The following TMEM74 variants were observed in gnomAD, a reference collection of about 807,000 sequenced individuals.
TMEM74 encodes transmembrane protein 74.
A neutral mutation model predicts 18.1 loss-of-function variants in TMEM74; 13 were observed. The ratio of observed to expected loss-of-function variants is 0.72; its 90% CI spans 0.47 to 1.14. The LOEUF (loss-of-function observed/expected upper bound fraction) is 1.14. Ranked by LOEUF, TMEM74 falls within the 50% of genes most tolerant of loss-of-function variation. The probability of loss-of-function intolerance (pLI) is 0.00; values close to 1 mark genes in which losing one functional copy is unlikely to be tolerated. For missense variants in TMEM74, 372 were observed against 375.9 expected, an observed-to-expected ratio of 0.99 and a Z score of 0.09; for synonymous variants, 159 against 146.6, an observed-to-expected ratio of 1.08 and a Z score of -0.61.
chr8:108,609,332 C>A (rs2928832), intron 2 of TMEM74, among the ~76,000 whole-genome samples: 2 of 151,908 alleles, frequency 1.3e-5, no homozygotes, highest in Non-Finnish European at 2.9e-5. Flanking sequence ...TTAAGTTTAA[C>A]GTGTTTAAGT....
chr8:108,737,520 A>G (rs1315091921), intron 1 of TMEM74, among the ~76,000 whole-genome samples: 1 of 151,814 alleles, frequency 6.6e-6, no homozygotes, highest in Non-Finnish European at 1.5e-5. Flanking sequence ...TCTAAATATT[A>G]AAATATTAAA....
intron 1 of TMEM74, among the ~76,000 whole-genome samples, chr8:108,670,860 AC>A (rs1348802141): frequency 6.6e-6 from 1 of 152,166 alleles, no homozygotes; most frequent in Non-Finnish European, 1.5e-5. Flanking sequence ...TGATTTATAA[AC>A]CTTTATGTTC....
At position 108,782,601 on chromosome 8, in the gene TMEM74, T is replaced by A. The variant is rs1814321911; in HGVS notation, c.*1580A>T. On this transcript the variant is annotated 3_prime_UTR_variant, in exon 2 of 2. Transcript: ENST00000297459. ...CATAAATATCCTGATTCACACATTT[T>A]GCCAAAGTCACCCATGTATTCCACA... is the stretch of plus-strand genomic sequence containing the variant. Among the ~76,000 whole-genome samples, 1 of 152,212 alleles carries A rather than the reference T, an allele frequency of 6.6e-6. No individual in the cohort carries two copies. The highest frequency in any genetic ancestry group is 1.5e-5 in the Non-Finnish European group (1 of 68,028).
intron 1 of TMEM74, among the ~76,000 whole-genome samples, chr8:108,670,439 A>G (rs1369880766): frequency 1.3e-5 from 2 of 152,210 alleles, no homozygotes; most frequent in Non-Finnish European, 2.9e-5. Flanking sequence ...GCTTTAGATC[A>G]TCGATGGAAT....
At position 108,784,010 on chromosome 8, in the gene TMEM74, G is replaced by A; in HGVS notation, c.*171C>T. Reference sequence around the variant, plus strand: ...TGTGGTTTCTTATACATCTTACATGGCTTTTCTTCTAAATAGAAGACACAT... The same window carrying A: ...TGTGGTTTCTTATACATCTTACATGACTTTTCTTCTAAATAGAAGACACAT... On this transcript the variant is annotated 3_prime_UTR_variant, in exon 2 of 2. Coordinates refer to ENST00000297459, the MANE Select transcript of TMEM74 (RefSeq NM_153015.3). The A allele has an allele frequency of 1.8e-6, 1 of 546,902 alleles. No homozygotes were observed. The highest frequency in any genetic ancestry group is 3.1e-6 in the Non-Finnish European group (1 of 320,348). 33.9% of individuals were successfully genotyped at this position (546,902 alleles called of 1,614,324 possible).
exon 4 of TMEM74, chr8:108,607,480 T>G (rs1165099885): frequency 1.3e-5 from 2 of 152,250 alleles, no homozygotes; most frequent in African/African-American, 2.4e-5. Flanking sequence ...CGCAATTAGA[T>G]TCTGGTCTCT....
intron 1 of TMEM74, among the ~76,000 whole-genome samples, chr8:108,737,536 T>C (rs1813760795): frequency 2.0e-5 from 3 of 151,828 alleles, no homozygotes; most frequent in Middle Eastern, 3.4e-3. Flanking sequence ...TTAAAATTCA[T>C]TTTCTATCAA....
At chr8:108,720,260 T>C (rs61074130) in intron 1 of TMEM74, among the ~76,000 whole-genome samples, 7,804 of 152,266 alleles carry the variant, frequency 0.051, 709 homozygotes, top group African/African-American at 0.18. Context: ...TCAATTTTGA[T>C]TTTTAAAAAT....
chr8:108,662,145 C>T (rs902093126), intron 1 of TMEM74, among the ~76,000 whole-genome samples: 1 of 151,874 alleles, frequency 6.6e-6, no homozygotes, highest in Non-Finnish European at 1.5e-5. Flanking sequence ...ATAGAGCCTT[C>T]CACAGTCAGG....
chr8:108,769,334 C>T (rs1423191398), intron 1 of TMEM74, among the ~76,000 whole-genome samples: 2 of 151,928 alleles, frequency 1.3e-5, no homozygotes, highest in African/African-American at 4.8e-5. Flanking sequence ...CTTACACACA[C>T]ACAAAAAAAG....
In TMEM74 at chr8:108,622,702, A is replaced by G. The variant is rs144593530; in HGVS notation, n.265-13876T>C. On this transcript the variant is annotated intron_variant and non_coding_transcript_variant, in intron 2 of 3. Coordinates refer to the TMEM74 transcript ENST00000518838. ...GTATTTTATAGTTTGGTATAATGTA[A>G]ATTTGATTATCTTAAAGGATAAAAT... Among the ~76,000 whole-genome samples, 26 of 152,250 alleles carry G rather than the reference A, an allele frequency of 1.7e-4. No individual in the cohort carries two copies. The East Asian group carries it at 2.1e-3, about 12-fold the overall frequency.
At chr8:108,638,539 G>T (rs148098496) in intron 2 of TMEM74, among the ~76,000 whole-genome samples, 2 of 149,470 alleles carry the variant, frequency 1.3e-5, no homozygotes, top group African/African-American at 2.5e-5. Context: ...CAGTAACTTG[G>T]TGAAATTTCC....
intron 1 of TMEM74, among the ~76,000 whole-genome samples, chr8:108,692,657 GT>G (rs1813242256): frequency 6.6e-6 from 1 of 152,010 alleles, no homozygotes; most frequent in South Asian, 2.1e-4. Context: ...AAATTAAAAT[GT>G]TAAAACTGAG....
chr8:108,616,742 T>C (rs1812387730), intron 2 of TMEM74, among the ~76,000 whole-genome samples: 1 of 152,100 alleles, frequency 6.6e-6, no homozygotes, highest in South Asian at 2.1e-4. Context: ...GGAACTTTGA[T>C]TTGTTATGTA....
intron 2 of TMEM74, among the ~76,000 whole-genome samples, chr8:108,618,851 G>C (rs1447079649): frequency 1.3e-5 from 2 of 152,110 alleles, no homozygotes; most frequent in South Asian, 2.1e-4. Context: ...GCTTCACCCA[G>C]TTAGCAAAAT....
intron 1 of TMEM74, among the ~76,000 whole-genome samples, chr8:108,739,744 T>C (rs1813781073): frequency 6.6e-6 from 1 of 152,128 alleles, no homozygotes; most frequent in Non-Finnish European, 1.5e-5. Flanking sequence ...TATCTGGTGC[T>C]TTAGCTAGGG....
intron 2 of TMEM74, among the ~76,000 whole-genome samples, chr8:108,629,766 T>G (rs1812531613): frequency 6.6e-6 from 1 of 152,014 alleles, no homozygotes; most frequent in East Asian, 1.9e-4. Flanking sequence ...ATAAAATCCT[T>G]TCCAGACAAG....
At chr8:108,620,379 C>T (rs533319559) in intron 2 of TMEM74, among the ~76,000 whole-genome samples, 1 of 152,070 alleles carries the variant, frequency 6.6e-6, no homozygotes, top group Non-Finnish European at 1.5e-5. Flanking sequence ...AGGAAAATTG[C>T]CCATGGCTAT....
chr8:108,620,560 T>C (rs1196024233), intron 2 of TMEM74, among the ~76,000 whole-genome samples: 2 of 152,174 alleles, frequency 1.3e-5, no homozygotes, highest in East Asian at 1.9e-4. Flanking sequence ...CCCCAAGAAG[T>C]TGATTTGCTC....
Sources: gnomAD v4.1 joint callset for allele counts (sites outside exome capture counted in the v4.1 genomes callset) on GRCh38, gnomAD v4.1.1 for gene constraint, MANE v1.5 for transcripts, NCBI Gene and HGNC (gene_info 2026-07-23, HGNC 2026-07-21) for gene names.